The following CCDC83 variants were observed in gnomAD, a reference collection of about 807,000 sequenced individuals.
The protein encoded by CCDC83 is coiled-coil domain containing 83.
A neutral mutation model predicts 50.1 loss-of-function variants in CCDC83; 54 were observed. The observed-to-expected ratio is 1.08, with a 90% CI of 0.87 to 1.35. CCDC83 has a LOEUF of 1.35. Among genes scored for constraint, CCDC83 ranks in the 40% most tolerant of loss-of-function variants. CCDC83 has a pLI of 0.00. For synonymous variants in CCDC83, 161 were observed against 153.3 expected, an observed-to-expected ratio of 1.05 and a Z score of -0.37; for missense variants, 518 against 473.9, an observed-to-expected ratio of 1.09 and a Z score of -0.86.
chr11:85,863,799 A>G (rs2153682156), intron 1 of CCDC83, among the ~76,000 whole-genome samples: 1 of 152,340 alleles, frequency 6.6e-6, no homozygotes, highest in East Asian at 1.9e-4. Flanking sequence ...GAAGGCAGCC[A>G]TTCTATGCTT....
At chr11:85,895,538 G>C (rs1169097544) in intron 6 of CCDC83, among the ~76,000 whole-genome samples, 154 bp downstream of exon 6, 1 of 151,862 alleles carries the variant, frequency 6.6e-6, no homozygotes, top group Admixed American at 6.6e-5. Flanking sequence ...TAAAAGTTTT[G>C]AACGATTTAT....
At chr11:85,915,160 T>C (rs866208217) in intron 8 of CCDC83, among the ~76,000 whole-genome samples, 2 of 152,328 alleles carry the variant, frequency 1.3e-5, no homozygotes, top group Middle Eastern at 3.4e-3. Flanking sequence ...TCCTTCCCCC[T>C]AAAGCTGACT....
chr11:85,919,602 C>T lies in CCDC83; in HGVS notation c.*92C>T, dbSNP rs1253081981. The T allele has an allele frequency of 5.5e-6, 5 of 907,964 alleles. No homozygotes were observed. The highest frequency in any genetic ancestry group is 1.6e-5 in the South Asian group (1 of 63,358). 56.2% of individuals were successfully genotyped at this position (907,964 alleles called of 1,614,324 possible). A position where few individuals can be genotyped will look rare whatever the true frequency, so the allele number is the denominator to read the frequency against. On this transcript the variant is annotated 3_prime_UTR_variant, in exon 11 of 11. Transcript: ENST00000342404. Reference sequence around the variant, plus strand: ...GTTGCCCATTTTACTTACACTTTGGCTCATTTTTAAACCAGCTGTTATTTC... The same window carrying T: ...GTTGCCCATTTTACTTACACTTTGGTTCATTTTTAAACCAGCTGTTATTTC...
At chr11:85,875,005 C>T (rs1002336077) in intron 3 of CCDC83, among the ~76,000 whole-genome samples, 3 of 152,160 alleles carry the variant, frequency 2.0e-5, no homozygotes, top group Admixed American at 6.5e-5. Flanking sequence ...TGCAGACATG[C>T]GAAGAGTGAG....
At chr11:85,892,020 G>C (rs1201013589) in intron 5 of CCDC83, among the ~76,000 whole-genome samples, 1 of 152,178 alleles carries the variant, frequency 6.6e-6, no homozygotes, top group Non-Finnish European at 1.5e-5. Context: ...TTCTGCAAAA[G>C]GGACTAAGAA....
chr11:85,860,165 G>A (rs1164878216), intron 1 of CCDC83, among the ~76,000 whole-genome samples: 1 of 152,060 alleles, frequency 6.6e-6, no homozygotes, highest in East Asian at 1.9e-4. Context: ...AGCCAGGCAT[G>A]GTGGCACGTG....
At chr11:85,869,565 A>G (rs1039281902) in intron 2 of CCDC83, among the ~76,000 whole-genome samples, 2 of 152,194 alleles carry the variant, frequency 1.3e-5, no homozygotes, top group African/African-American at 4.8e-5. Flanking sequence ...CATTTTAACA[A>G]TATAGAGAGT....
chr11:85,915,937 T>C (rs2093475256), intron 9 of CCDC83, 91 bp from the exon 10 acceptor site: 4 of 869,448 alleles, frequency 4.6e-6, no homozygotes, highest in East Asian at 2.5e-5. Context: ...CAAAGTTCCA[T>C]CCAATTAAAA....
At chr11:85,895,542 G>T (rs749726304) in intron 6 of CCDC83, among the ~76,000 whole-genome samples, 158 bp downstream of exon 6, 2 of 151,808 alleles carry the variant, frequency 1.3e-5, no homozygotes, top group Non-Finnish European at 2.9e-5. Context: ...AGTTTTGAAC[G>T]ATTTATAAAA....
intron 4 of CCDC83, among the ~76,000 whole-genome samples, chr11:85,885,588 T>C (rs1296443872): frequency 6.6e-6 from 1 of 152,218 alleles, no homozygotes; most frequent in African/African-American, 2.4e-5. Flanking sequence ...ATCCCTGAAA[T>C]AGTTCAGTAT....
At chr11:85,908,496 A>G (rs2093435346) in intron 7 of CCDC83, among the ~76,000 whole-genome samples, 1 of 152,116 alleles carries the variant, frequency 6.6e-6, no homozygotes, top group Non-Finnish European at 1.5e-5. Flanking sequence ...GGCTGTGGTC[A>G]GCCAAGATCA....
At position 85,906,906 on chromosome 11, in the gene CCDC83, T is replaced by C. The variant is rs1023912388; in HGVS notation, c.673-4375T>C. 2.0e-5 allele frequency among the ~76,000 whole-genome samples: 3 copies of C among 147,292 alleles called. 1 individual carries two copies. The highest frequency in any genetic ancestry group is 4.6e-5 in the Non-Finnish European group (3 of 65,218). ...TCTCAAAAAATTAAATTAAATTAAA[T>C]TAAATTAAATTAAATAAATAACAAA... On this transcript the variant is annotated intron_variant, in intron 7 of 10. Transcript: ENST00000342404.
chr11:85,919,502 T>C lies in CCDC83; in HGVS notation c.1234T>C (p.Phe412Leu). ...SHITYKMMKS[F>L]L ...CATCACATATAAGATGATGAAGTCTTTTCTCTAAGACGGAAAGCTGCAAAG... is the reference window on the plus strand; with the variant it reads ...CATCACATATAAGATGATGAAGTCTCTTCTCTAAGACGGAAAGCTGCAAAG... Residue 412 changes from phenylalanine (F) to leucine (L), a missense_variant, in exon 11 of 11, where the codon TTT becomes CTT. Coordinates refer to ENST00000342404, the MANE Select transcript of CCDC83 (RefSeq NM_001286159.2). 4 of 1,606,402 alleles carry C rather than the reference T, an allele frequency of 2.5e-6. No homozygotes were observed. Among genetic ancestry groups the C allele is most frequent in the Non-Finnish European group, 3.4e-6 (4 of 1,176,900 alleles).
chr11:85,883,235 C>A (rs1247181708), intron 4 of CCDC83, among the ~76,000 whole-genome samples: 2 of 152,074 alleles, frequency 1.3e-5, no homozygotes, highest in Non-Finnish European at 2.9e-5. Context: ...ACTCTTACAA[C>A]AGGACAGTAT....
At chr11:85,914,222 T>C (rs997949673) in intron 8 of CCDC83, among the ~76,000 whole-genome samples, 1 of 152,200 alleles carries the variant, frequency 6.6e-6, no homozygotes, top group Non-Finnish European at 1.5e-5. Context: ...TTTAAATAAC[T>C]CACAGCCCCT....
intron 1 of CCDC83, among the ~76,000 whole-genome samples, chr11:85,862,171 T>C (rs2093180228): frequency 6.6e-6 from 1 of 152,130 alleles, no homozygotes; most frequent in Admixed American, 6.6e-5. Context: ...GATATGTCCA[T>C]TTTTAGTAAA....
At chr11:85,886,460 A>G in intron 5 of CCDC83, 93 bp downstream of exon 5, 1 of 990,958 alleles carries the variant, frequency 1.0e-6, no homozygotes, top group Non-Finnish European at 1.4e-6. Flanking sequence ...TCCCTGAATC[A>G]TTCATTACTC....
intron 10 of CCDC83, among the ~76,000 whole-genome samples, chr11:85,917,255 AAAGGAAGG>A (rs756931895): frequency 7.3e-6 from 1 of 137,394 alleles, no homozygotes; most frequent in Non-Finnish European, 1.6e-5. Flanking sequence ...GGGAAGGAGG[AAAGGAAGG>A]AAGGAAGGAA....
At chr11:85,917,190 A>AAGAAAGAAAGAAAGAAAGAAAGAAAG (rs1565160105) in intron 10 of CCDC83, among the ~76,000 whole-genome samples, 1 of 89,614 alleles carries the variant, frequency 1.1e-5, no homozygotes, top group African/African-American at 4.9e-5. Context: ...GAAAGAAAGA[A>AAGAAAGAAAGAAAGAAAGAAAGAAAG]AGAGAAAGAA....
Sources: gnomAD v4.1 joint callset for allele counts (sites outside exome capture counted in the v4.1 genomes callset) on GRCh38, gnomAD v4.1.1 for gene constraint, MANE v1.5 for transcripts, NCBI Gene and HGNC (gene_info 2026-07-23, HGNC 2026-07-21) for gene names.